The following ASTN2 variants were observed in gnomAD, a reference collection of about 807,000 sequenced individuals.
The protein encoded by ASTN2 is astrotactin 2, also known as astrotactin-2.
In ASTN2, 54 loss-of-function variants were observed where a neutral mutation model predicts 139.8. The ratio of observed to expected loss-of-function variants is 0.39; its 90% CI spans 0.31 to 0.48. The LOEUF is 0.48. ASTN2 is among the 20% of genes least tolerant of loss of function. The pLI is 0.95. For missense variants in ASTN2, 1,565 were observed against 1,725.1 expected (o/e 0.91, Z 1.64); for synonymous variants, 756 against 719.5 (o/e 1.05, Z -0.81).
At chr9:117,276,445 T>TC (rs1439512403) in intron 2 of ASTN2, among the ~76,000 whole-genome samples, 3 of 151,720 alleles carry the variant, frequency 2.0e-5, no homozygotes, top group Non-Finnish European at 2.9e-5. Context: ...GACCCTCATC[T>TC]CCCCCCAGAC....
chr9:117,227,045 C>G (rs2133048573), intron 2 of ASTN2, among the ~76,000 whole-genome samples: 1 of 152,174 alleles, frequency 6.6e-6, no homozygotes, highest in South Asian at 2.1e-4. Context: ...GGGGAGGGAG[C>G]TTCTGAAGGG....
At chr9:116,605,039 A>AG (rs1855115700) in intron 19 of ASTN2, among the ~76,000 whole-genome samples, 2 of 150,872 alleles carry the variant, frequency 1.3e-5, no homozygotes, top group South Asian at 2.4e-4. Context: ...TGGAATAAAA[A>AG]GAAGAGAGAG....
intron 16 of ASTN2, among the ~76,000 whole-genome samples, chr9:116,664,874 C>T (rs1213036840): frequency 2.0e-5 from 3 of 152,092 alleles, no homozygotes; most frequent in Non-Finnish European, 4.4e-5. Flanking sequence ...GGATGTTTGT[C>T]CCCTCCAAAT....
rs537357637 is a variant in ASTN2, at chr9:117,000,136, A to C, written c.1591+7956T>G. 5.9e-5 allele frequency among the ~76,000 whole-genome samples: 9 copies of C among 152,378 alleles called. No individual in the cohort carries two copies. In the East Asian group the frequency reaches 1.5e-3, roughly 26 times the overall value. ...AGAGAAAACCTTGTATTGGGTTTCC[A>C]CCATATATTATCCACTGCACCAGTG... is the stretch of plus-strand genomic sequence containing the variant. On this transcript the variant is annotated intron_variant, in intron 7 of 22. Transcript: ENST00000313400.
intron 10 of ASTN2, among the ~76,000 whole-genome samples, chr9:116,921,940 A>G (rs577999344): frequency 2.0e-5 from 3 of 152,290 alleles, no homozygotes; most frequent in East Asian, 3.9e-4. Flanking sequence ...CAGCCAAACC[A>G]TATCAGGGCC....
intron 16 of ASTN2, among the ~76,000 whole-genome samples, chr9:116,712,740 A>G (rs1406601252): frequency 6.6e-6 from 1 of 152,174 alleles, no homozygotes; most frequent in East Asian, 1.9e-4. Context: ...TCTAGACTCA[A>G]CCCGAACTTT....
chr9:117,343,168 T>A (rs944990964), intron 1 of ASTN2, among the ~76,000 whole-genome samples: 1 of 152,202 alleles, frequency 6.6e-6, no homozygotes, highest in African/African-American at 2.4e-5. Flanking sequence ...ATTCCTTGCC[T>A]TTTCCAGCTT....
Position 116,578,016 on chromosome 9 carries a change from G to A in ASTN2, c.3355+40308C>T, listed in dbSNP as rs575733315. ...AATGTTATAAACCACACTAAGAAAC[G>A]GGAACCTTACTCTGAAGGCAAAAGA... is the stretch of plus-strand genomic sequence containing the variant. On this transcript the variant is annotated intron_variant, in intron 19 of 22. Transcript: ENST00000313400. 7.9e-5 allele frequency among the ~76,000 whole-genome samples: 12 copies of A among 152,198 alleles called. 1 individual carries two copies. Among genetic ancestry groups the A allele is most frequent in the Admixed American group, 6.5e-5 (1 of 15,280 alleles).
At chr9:117,396,067 T>C (rs1405584230) in intron 1 of ASTN2, among the ~76,000 whole-genome samples, 1 of 152,158 alleles carries the variant, frequency 6.6e-6, no homozygotes, top group African/African-American at 2.4e-5. Flanking sequence ...CCCCAAAGCA[T>C]GAGGACATCA....
At chr9:116,728,728 C>T (rs1828698528) in intron 15 of ASTN2, among the ~76,000 whole-genome samples, 1 of 152,094 alleles carries the variant, frequency 6.6e-6, no homozygotes, top group Admixed American at 6.5e-5. Flanking sequence ...ACTCAGATAC[C>T]TTTTCCTCCA....
intron 16 of ASTN2, chr9:116,697,849 T>C (rs553724316): frequency 6.2e-7 from 1 of 1,614,194 alleles, no homozygotes; most frequent in East Asian, 2.2e-5. Context: ...CGTCCCAAGC[T>C]TCTGCACTGT....
intron 2 of ASTN2, among the ~76,000 whole-genome samples, chr9:117,232,693 G>A (rs994438991): frequency 5.3e-5 from 8 of 152,102 alleles, no homozygotes; most frequent in Non-Finnish European, 1.2e-4. Flanking sequence ...ATCCCATGCC[G>A]ATTACCTGGG....
chr9:116,556,977 T>C (rs1396764547), intron 19 of ASTN2, among the ~76,000 whole-genome samples: 1 of 151,824 alleles, frequency 6.6e-6, no homozygotes, highest in African/African-American at 2.4e-5. Flanking sequence ...CTCCATGATA[T>C]ATTGGGAGGC....
intron 22 of ASTN2, among the ~76,000 whole-genome samples, chr9:116,433,080 G>T (rs1847547692): frequency 6.6e-6 from 1 of 152,180 alleles, no homozygotes; most frequent in Non-Finnish European, 1.5e-5. Flanking sequence ...GAATGAAATG[G>T]CATAAAAGCA....
chr9:117,277,649 A>G (rs148652628), intron 2 of ASTN2, among the ~76,000 whole-genome samples: 1 of 152,216 alleles, frequency 6.6e-6, no homozygotes, highest in Admixed American at 6.5e-5. Context: ...AAATAATATC[A>G]GGCAATTTTT....
At chr9:116,973,987 T>A (rs1397688303) in intron 10 of ASTN2, among the ~76,000 whole-genome samples, 2 of 152,188 alleles carry the variant, frequency 1.3e-5, no homozygotes, top group Non-Finnish European at 2.9e-5. Context: ...TCTGTCAAGA[T>A]GCCATAGAAA....
chr9:116,425,485 G>A lies in ASTN2; in HGVS notation c.*366C>T. The A allele has an allele frequency of 3.6e-6, 5 of 1,398,822 alleles. No individual in the cohort carries two copies. Among genetic ancestry groups the A allele is most frequent in the Non-Finnish European group, 4.0e-6 (4 of 997,412 alleles). The allele number at this position is 1,398,822 out of a possible 1,614,324, so 86.7% of individuals were successfully genotyped here. On this transcript the variant is annotated 3_prime_UTR_variant, in exon 23 of 23. Coordinates refer to ENST00000313400, the MANE Select transcript of ASTN2 (RefSeq NM_001365068.1). Reference sequence around the variant, plus strand: ...AGGTCTCCTCCAGGGGTCCATGGCAGGAAGAAAGCAGAGTGTGGCAGGAAG... The same window carrying A: ...AGGTCTCCTCCAGGGGTCCATGGCAAGAAGAAAGCAGAGTGTGGCAGGAAG...
intron 16 of ASTN2, among the ~76,000 whole-genome samples, chr9:116,708,829 C>T (rs1372465668): frequency 1.3e-5 from 2 of 150,874 alleles, no homozygotes; most frequent in Non-Finnish European, 2.9e-5. Flanking sequence ...TACTTAAACC[C>T]GTTTATACTA....
chr9:116,900,413 CCCT>C, intron 10 of ASTN2, among the ~76,000 whole-genome samples: 1 of 152,200 alleles, frequency 6.6e-6, no homozygotes, highest in East Asian at 1.9e-4. Context: ...ATCTTCTCCC[CCCT>C]CACCACATTT....
Sources: gnomAD v4.1 joint callset for allele counts (sites outside exome capture counted in the v4.1 genomes callset) on GRCh38, gnomAD v4.1.1 for gene constraint, MANE v1.5 for transcripts, NCBI Gene and HGNC (gene_info 2026-07-23, HGNC 2026-07-21) for gene names.